FGF13: variants seen among roughly 807,000 people sequenced by gnomAD.
FGF13 encodes the protein fibroblast growth factor homologous factor 2.
Under a neutral mutation model 19.5 loss-of-function variants are expected in FGF13, and 2 were observed. That is an observed-to-expected ratio of 0.10 (90% CI 0.04 to 0.32). FGF13 has a LOEUF of 0.32. Ranked by LOEUF, FGF13 falls within the 10% of genes least tolerant of loss-of-function variation. FGF13 has a pLI of 1.00. For synonymous variants in FGF13, 72 were observed against 76.9 expected, an observed-to-expected ratio of 0.94 and a Z score of 0.33; for missense variants, 113 against 192.7, an observed-to-expected ratio of 0.59 and a Z score of 2.45.
At chrX:138,968,824 A>G (rs1239455198) in intron 1 of FGF13, among the ~76,000 whole-genome samples, 2 of 112,097 alleles carry the variant, frequency 1.8e-5, no homozygotes, top group Non-Finnish European at 3.8e-5. Context: ...AGGAAATGGC[A>G]TATGTAAAGA....
chrX:138,745,078 T>C (rs2090345708), intron 3 of FGF13, among the ~76,000 whole-genome samples: 1 of 112,242 alleles, frequency 8.9e-6, no homozygotes, highest in South Asian at 3.7e-4. Context: ...GTCTATCCTA[T>C]ACGAGAGTTA....
At chrX:138,929,247 GTGTGTGTGTGTGTGTGTGTCTCTC>G (rs895429092) in intron 1 of FGF13, among the ~76,000 whole-genome samples, 63 of 108,593 alleles carry the variant, frequency 5.8e-4, no homozygotes, top group Middle Eastern at 9.5e-3. Context: ...GTGTGTGTGT[GTGTGTGTGTGTGTGTGTGTCTCTC>G]TGTGTGTGTG....
intron 1 of FGF13, among the ~76,000 whole-genome samples, chrX:138,912,478 G>C (rs1364242926): frequency 9.0e-6 from 1 of 111,162 alleles, no homozygotes; most frequent in Non-Finnish European, 1.9e-5. Context: ...TCCATACAAA[G>C]GAAATAAAGA....
At chrX:138,811,458 G>T (rs1416657209) in intron 3 of FGF13, among the ~76,000 whole-genome samples, 1 of 110,197 alleles carries the variant, frequency 9.1e-6, no homozygotes, top group Non-Finnish European at 1.9e-5. Context: ...GGTGGGGGGA[G>T]TGTGGAGGGA....
chrX:138,848,487 A>G (rs1459781411), intron 3 of FGF13, among the ~76,000 whole-genome samples: 1 of 111,268 alleles, frequency 9.0e-6, no homozygotes, highest in Non-Finnish European at 1.9e-5. Context: ...ACCACAATAA[A>G]TTTTTTTCCA....
At position 138,755,705 on chromosome X, in the gene FGF13, T is replaced by C. The variant is rs190178467; in HGVS notation, c.218-46777A>G. On this transcript the variant is annotated intron_variant, in intron 3 of 6. Transcript: ENST00000436198. The stretch of plus-strand genomic sequence containing the variant: ...TTGCATTTCTTTTCTGCAAAACTTG[T>C]TGTTTGACAAGAACTCCAAGCTTCT... Among the ~76,000 whole-genome samples the C allele has an allele frequency of 2.0e-4, 22 of 112,541 alleles. No homozygotes were observed. The Admixed American group carries it at 2.0e-3, about 10-fold the overall frequency.
rs1031501437 is a variant in FGF13, at chrX:138,918,350, C to T, written c.-112-53700G>A. Among the ~76,000 whole-genome samples the T allele has an allele frequency of 2.7e-5, 3 of 110,698 alleles. No individual in the cohort carries two copies. In the South Asian group the frequency reaches 1.2e-3, roughly 43 times the overall value. ...GTCTTCACTGCCTTGAGCACAAATCCCCCACACTGCATCCTGTGGCCCCCA... is the reference window on the plus strand; with the variant it reads ...GTCTTCACTGCCTTGAGCACAAATCTCCCACACTGCATCCTGTGGCCCCCA... On this transcript the variant is annotated intron_variant, in intron 1 of 2. Transcript: ENST00000421460.
intron 1 of FGF13, among the ~76,000 whole-genome samples, chrX:139,035,536 G>A (rs1022861847): frequency 1.8e-5 from 2 of 111,563 alleles, no homozygotes; most frequent in Non-Finnish European, 1.9e-5. Context: ...AGTTGCTGAA[G>A]AGAAACACAG....
chrX:138,694,239 C>T (rs761380434), intron 3 of FGF13, among the ~76,000 whole-genome samples: 116 of 111,145 alleles, frequency 1.0e-3, no homozygotes, highest in Middle Eastern at 4.7e-3. Flanking sequence ...GGCATCTTAA[C>T]ATGAACCAAC....
intron 1 of FGF13, among the ~76,000 whole-genome samples, chrX:138,955,852 T>A (rs2091838656): frequency 8.9e-6 from 1 of 112,133 alleles, no homozygotes; most frequent in South Asian, 3.7e-4. Flanking sequence ...GCACTGCCTT[T>A]CTACTTTCTT....
intron 1 of FGF13, among the ~76,000 whole-genome samples, chrX:139,010,635 C>T (rs923498693): frequency 9.0e-6 from 1 of 110,939 alleles, no homozygotes; most frequent in African/African-American, 3.3e-5. Context: ...CTCTCAAAAC[C>T]TCTGGGAAAC....
chrX:139,004,688 C>T (rs2092093078), intron 1 of FGF13, among the ~76,000 whole-genome samples: 1 of 112,079 alleles, frequency 8.9e-6, no homozygotes, highest in African/African-American at 3.2e-5. Context: ...GTGCCCTGGG[C>T]CAGAGAGGAG....
At chrX:139,127,346 T>C (rs897887756) in intron 1 of FGF13, among the ~76,000 whole-genome samples, 5 of 111,692 alleles carry the variant, frequency 4.5e-5, no homozygotes, top group African/African-American at 9.8e-5. Context: ...TCTCCAACTA[T>C]ATCCAGCCCT....
chrX:138,669,486 T>G (rs2089590322), intron 3 of FGF13, among the ~76,000 whole-genome samples: 1 of 111,506 alleles, frequency 9.0e-6, no homozygotes, highest in Admixed American at 9.5e-5. Context: ...CTGTGCCTGA[T>G]GCTAAACCCA....
chrX:138,886,853 G>A (rs898949222), intron 1 of FGF13, among the ~76,000 whole-genome samples: 3 of 111,974 alleles, frequency 2.7e-5, no homozygotes, highest in South Asian at 3.7e-4. Flanking sequence ...CTATGGATAC[G>A]ATGGTAGGAA....
At chrX:138,834,622 G>C (rs1295999275) in intron 3 of FGF13, among the ~76,000 whole-genome samples, 8 of 107,340 alleles carry the variant, frequency 7.5e-5, no homozygotes, top group Non-Finnish European at 1.2e-4. Flanking sequence ...TGGATGGAGT[G>C]ATCGTTTGAA....
intron 1 of FGF13, among the ~76,000 whole-genome samples, chrX:138,986,033 C>A (rs1339585850): frequency 9.0e-6 from 1 of 111,698 alleles, no homozygotes; most frequent in East Asian, 2.8e-4. Context: ...TGCATTACTT[C>A]ATTTTATTTT....
chrX:138,832,991 T>G (rs185134697), intron 3 of FGF13, among the ~76,000 whole-genome samples: 1 of 111,884 alleles, frequency 8.9e-6, no homozygotes, highest in East Asian at 2.8e-4. Context: ...GACTTATTAC[T>G]GGGCTCTCTA....
intron 1 of FGF13, among the ~76,000 whole-genome samples, chrX:139,139,207 A>G (rs752661433): frequency 6.3e-5 from 7 of 111,662 alleles, no homozygotes; most frequent in Non-Finnish European, 1.1e-4. Context: ...TGCTGGGAAT[A>G]GAGGCACGAG....
Sources: gnomAD v4.1 joint callset for allele counts (sites outside exome capture counted in the v4.1 genomes callset) on GRCh38, gnomAD v4.1.1 for gene constraint, MANE v1.5 for transcripts, NCBI Gene and HGNC (gene_info 2026-07-23, HGNC 2026-07-21) for gene names.